SH3KBP1: variants seen among roughly 807,000 people sequenced by gnomAD.
SH3KBP1 encodes SH3 domain containing kinase binding protein 1, also known as SH3 domain-containing kinase-binding protein 1.
SH3KBP1 carries 8 observed loss-of-function variants against 50.1 expected under a neutral mutation model. That is an observed-to-expected ratio of 0.16 (90% CI 0.09 to 0.29). SH3KBP1 has a LOEUF of 0.29. Ranked by LOEUF, SH3KBP1 falls within the 10% of genes least tolerant of loss-of-function variation. SH3KBP1 has a pLI of 1.00. For synonymous variants in SH3KBP1, 227 were observed against 218.6 expected, an observed-to-expected ratio of 1.04 and a Z score of -0.34; for missense variants, 377 against 535.2, an observed-to-expected ratio of 0.70 and a Z score of 2.92.
chrX:19,887,436 G>A lies in SH3KBP1; in HGVS notation c.-126C>T. The A allele has an allele frequency of 1.8e-6, 1 of 552,490 alleles. No individual in the cohort carries two copies. Among genetic ancestry groups the A allele is most frequent in the Non-Finnish European group, 2.4e-6 (1 of 410,569 alleles). 45.5% of individuals were successfully genotyped at this position (552,490 alleles called of 1,213,427 possible). ...AGGGTCCGGACGCGGCGGCGGCTGG[G>A]CCGGCTTCTTCCTCAGTGGCGGCGG... On this transcript the variant is annotated 5_prime_UTR_variant, in exon 1 of 18. Transcript: ENST00000397821.
intron 2 of SH3KBP1, among the ~76,000 whole-genome samples, chrX:19,781,498 G>A (rs1234637980): frequency 9.2e-6 from 1 of 108,861 alleles, no homozygotes; most frequent in Non-Finnish European, 1.9e-5. Flanking sequence ...TGCACCTGTG[G>A]TCCCAGCTGC....
chrX:19,623,042 CAAA>C (rs773914815), intron 8 of SH3KBP1, among the ~76,000 whole-genome samples: 1 of 22,245 alleles, frequency 4.5e-5, no homozygotes, highest in African/African-American at 1.4e-4. Context: ...CACTCTGACT[CAAA>C]AAAAAAAAAA....
intron 13 of SH3KBP1, among the ~76,000 whole-genome samples, chrX:19,559,274 C>CAA (rs369794445): frequency 0.019 from 160 of 8,600 alleles, 21 homozygotes; most frequent in African/African-American, 0.057. Context: ...TCTGTCTCAC[C>CAA]AAAAAAAAAA....
intron 9 of SH3KBP1, among the ~76,000 whole-genome samples, chrX:19,599,080 G>A (rs934279523): frequency 2.2e-4 from 25 of 111,253 alleles, no homozygotes; most frequent in African/African-American, 7.8e-4. Flanking sequence ...CCAACACCCC[G>A]TGGCCTTATT....
At chrX:19,852,356 T>C (rs1036897193) in intron 1 of SH3KBP1, among the ~76,000 whole-genome samples, 3 of 111,377 alleles carry the variant, frequency 2.7e-5, no homozygotes, top group Non-Finnish European at 5.6e-5. Context: ...CCTGTACAAA[T>C]GCTTGACCCA....
intron 2 of SH3KBP1, among the ~76,000 whole-genome samples, chrX:19,784,752 G>A (rs2066284432): frequency 1.8e-5 from 2 of 110,977 alleles, no homozygotes; most frequent in Non-Finnish European, 3.8e-5. Context: ...TGGGATTACA[G>A]GCATACCACA....
intron 1 of SH3KBP1, among the ~76,000 whole-genome samples, chrX:19,857,616 G>A (rs1426160435): frequency 2.7e-5 from 3 of 110,839 alleles, no homozygotes; most frequent in Admixed American, 1.9e-4. Context: ...CAGATACTCG[G>A]GAGGCTGAAG....
intron 9 of SH3KBP1, among the ~76,000 whole-genome samples, chrX:19,598,043 C>A (rs1394466317): frequency 8.9e-6 from 1 of 111,966 alleles, no homozygotes; most frequent in Admixed American, 9.5e-5. Flanking sequence ...TTTCCTTAAA[C>A]CTCAATAACC....
intron 2 of SH3KBP1, among the ~76,000 whole-genome samples, chrX:19,784,887 G>A (rs1478132421): frequency 9.0e-6 from 1 of 111,625 alleles, no homozygotes; most frequent in African/African-American, 3.3e-5. Context: ...GGGATTACAG[G>A]TGTGAGCCAC....
chrX:19,541,739 G>A (rs2064908468), intron 16 of SH3KBP1, among the ~76,000 whole-genome samples, 186 bp downstream of exon 16: 1 of 111,797 alleles, frequency 8.9e-6, no homozygotes, highest in African/African-American at 3.3e-5. Flanking sequence ...GCAAAAACAT[G>A]CAGCATAATT....
At chrX:19,648,998 T>C (rs2062057629) in intron 6 of SH3KBP1, among the ~76,000 whole-genome samples, 1 of 111,806 alleles carries the variant, frequency 8.9e-6, no homozygotes, top group African/African-American at 3.3e-5. Flanking sequence ...CACAGATATC[T>C]CATGGATAAC....
intron 2 of SH3KBP1, among the ~76,000 whole-genome samples, chrX:19,795,630 C>A (rs190936498): frequency 1.8e-5 from 2 of 111,501 alleles, no homozygotes; most frequent in East Asian, 5.6e-4. Context: ...AAACAAATAC[C>A]AGCCAGACCC....
chrX:19,612,388 C>T (rs1168090495), intron 8 of SH3KBP1, among the ~76,000 whole-genome samples: 1 of 111,584 alleles, frequency 9.0e-6, no homozygotes, highest in Non-Finnish European at 1.9e-5. Context: ...CCAGCCTCCC[C>T]AAGTAGCTGG....
chrX:19,580,848 CCTCCTGTT>C (rs777536005), intron 12 of SH3KBP1, among the ~76,000 whole-genome samples: 16 of 111,718 alleles, frequency 1.4e-4, no homozygotes, highest in Non-Finnish European at 3.0e-4. Flanking sequence ...ACTCTTTCCT[CCTCCTGTT>C]CTCCGTAATC....
At chrX:19,756,872 T>TAA (rs10707274) in intron 2 of SH3KBP1, among the ~76,000 whole-genome samples, 2 of 85,588 alleles carry the variant, frequency 2.3e-5, no homozygotes, top group South Asian at 1.1e-3. Context: ...GTTGCTAGGT[T>TAA]AAAAAAAAAA....
At chrX:19,639,176 G>T (rs756396760) in intron 7 of SH3KBP1, among the ~76,000 whole-genome samples, 1 of 111,440 alleles carries the variant, frequency 9.0e-6, no homozygotes, top group African/African-American at 3.3e-5. Context: ...CGATGTGTCC[G>T]TCAGTATGTC....
At chrX:19,637,067 A>G (rs2061722614) in intron 7 of SH3KBP1, among the ~76,000 whole-genome samples, 1 of 112,374 alleles carries the variant, frequency 8.9e-6, no homozygotes, top group Admixed American at 9.4e-5. Context: ...GTAATCCCTC[A>G]CTCAGAAGCC....
chrX:19,787,298 C>T (rs1445055403), intron 2 of SH3KBP1, among the ~76,000 whole-genome samples: 4 of 111,990 alleles, frequency 3.6e-5, no homozygotes, highest in Admixed American at 1.9e-4. Context: ...TATTCTATTT[C>T]GGTATTCTGC....
chrX:19,852,534 G>T (rs970703355), intron 1 of SH3KBP1, among the ~76,000 whole-genome samples: 2 of 107,779 alleles, frequency 1.9e-5, no homozygotes, highest in African/African-American at 6.8e-5. Context: ...CCGCCAGCCA[G>T]TCTGGACTCA....
Sources: gnomAD v4.1 joint callset for allele counts (sites outside exome capture counted in the v4.1 genomes callset) on GRCh38, gnomAD v4.1.1 for gene constraint, MANE v1.5 for transcripts, NCBI Gene and HGNC (gene_info 2026-07-23, HGNC 2026-07-21) for gene names.